SDK1: variants seen among roughly 807,000 people sequenced by gnomAD.
The protein encoded by SDK1 is protein sidekick-1.
SDK1 carries 157 observed loss-of-function variants against 245.5 expected under a neutral mutation model. The observed-to-expected ratio is 0.64, with a 90% confidence interval of 0.56 to 0.73. SDK1 has a LOEUF of 0.73. SDK1 is among the 30% of genes least tolerant of loss of function. The pLI, the probability that SDK1 is intolerant of heterozygous loss-of-function variation, is 0.00. For synonymous variants in SDK1, 1,647 were observed against 1,278.5 expected (o/e 1.29, Z -6.15); for missense variants, 3,583 against 3,002.3 (o/e 1.19, Z -4.52).
intron 1 of SDK1, among the ~76,000 whole-genome samples, chr7:3,538,903 C>G (rs1334929721): frequency 2.0e-5 from 3 of 152,216 alleles, no homozygotes; most frequent in African/African-American, 4.8e-5. Flanking sequence ...GTTGTCCACA[C>G]AAAGAGGCAG....
At chr7:4,004,555 A>C (rs1785317800) in intron 14 of SDK1, among the ~76,000 whole-genome samples, 1 of 152,234 alleles carries the variant, frequency 6.6e-6, no homozygotes, top group Admixed American at 6.5e-5. Context: ...TATGACAAAA[A>C]TAGACACTTT....
chr7:3,987,376 G>A (rs1783942120), intron 14 of SDK1, 54 bp downstream of exon 14: 2 of 1,580,604 alleles, frequency 1.3e-6, no homozygotes, highest in South Asian at 1.1e-5. Context: ...TTTTGTGTGT[G>A]CTCTTAATGT....
rs546016664 is a variant in SDK1 at position 4,107,331 on chromosome 7, G to C, written c.3325-3332G>C. On this transcript the variant is annotated intron_variant, in intron 22 of 44. Coordinates refer to ENST00000404826, the MANE Select transcript of SDK1 (RefSeq NM_152744.4). Reference sequence around the variant, plus strand: ...AGGACCCGGAAGGCAGGAGGCTGCCGGGAAAAGCGCCCACCGGTCACTTGG... The same window carrying C: ...AGGACCCGGAAGGCAGGAGGCTGCCCGGAAAAGCGCCCACCGGTCACTTGG... Among the ~76,000 whole-genome samples the C allele has an allele frequency of 2.3e-4, 35 of 152,066 alleles. 1 individual carries two copies. Among genetic ancestry groups the C allele is most frequent in the African/African-American group, 8.2e-4 (34 of 41,486 alleles).
chr7:3,370,084 G>C (rs1366081829), intron 1 of SDK1, among the ~76,000 whole-genome samples: 1 of 152,202 alleles, frequency 6.6e-6, no homozygotes, highest in Non-Finnish European at 1.5e-5. Context: ...ATGAACATCG[G>C]CCTAAGTTAA....
chr7:3,437,080 G>A (rs977996714), intron 1 of SDK1, among the ~76,000 whole-genome samples: 3 of 152,090 alleles, frequency 2.0e-5, no homozygotes, highest in African/African-American at 2.4e-5. Flanking sequence ...CTTTCCACAT[G>A]ATCTCATGAC....
chr7:3,856,260 C>G (rs1780542170), intron 5 of SDK1, among the ~76,000 whole-genome samples: 6 of 151,928 alleles, frequency 3.9e-5, no homozygotes, highest in Admixed American at 3.9e-4. Flanking sequence ...AAACTGAATT[C>G]ATGACTTCCA....
In SDK1 at chr7:3,843,092, C is replaced by T. The variant is rs562804555; in HGVS notation, c.847+21509C>T. Among the ~76,000 whole-genome samples, 89 of 152,252 alleles carry T rather than the reference C, an allele frequency of 5.8e-4. 1 individual carries two copies. Among genetic ancestry groups the T allele is most frequent in the African/African-American group, 2.0e-3 (84 of 41,540 alleles). On this transcript the variant is annotated intron_variant, in intron 5 of 44. Transcript: ENST00000404826. ...CCGCTTAGCATTAGAGGAATGTCAG[C>T]GGCTCAGGGCAGCACAGCTCTTTCT... is the stretch of plus-strand genomic sequence containing the variant.
intron 28 of SDK1, among the ~76,000 whole-genome samples, chr7:4,145,225 G>T (rs933649110): frequency 5.3e-5 from 8 of 152,188 alleles, no homozygotes; most frequent in Non-Finnish European, 1.2e-4. Flanking sequence ...GAGCTGGGGG[G>T]TCAGAGGTGC....
At chr7:4,133,714 A>G (rs1425093740) in intron 28 of SDK1, among the ~76,000 whole-genome samples, 1 of 152,164 alleles carries the variant, frequency 6.6e-6, no homozygotes, top group East Asian at 1.9e-4. Flanking sequence ...TGTGTCCTGG[A>G]GAATGTGGCC....
intron 4 of SDK1, among the ~76,000 whole-genome samples, chr7:3,726,661 A>C (rs1779017112): frequency 6.6e-6 from 1 of 152,218 alleles, no homozygotes; most frequent in Admixed American, 6.5e-5. Flanking sequence ...AAAAACTTTA[A>C]AAGGTGGGTA....
chr7:3,490,111 G>C (rs1781824489), intron 1 of SDK1, among the ~76,000 whole-genome samples: 1 of 152,158 alleles, frequency 6.6e-6, no homozygotes, highest in South Asian at 2.1e-4. Flanking sequence ...CCAATTAAGT[G>C]AAAAGAAATC....
At chr7:3,647,476 A>G (rs558743384) in intron 4 of SDK1, among the ~76,000 whole-genome samples, 54 of 152,284 alleles carry the variant, frequency 3.5e-4, no homozygotes, top group African/African-American at 1.3e-3. Context: ...GCTGGAGTGA[A>G]GTTGAAGTGG....
At chr7:3,989,461 A>G (rs1266393841) in intron 14 of SDK1, among the ~76,000 whole-genome samples, 1 of 152,144 alleles carries the variant, frequency 6.6e-6, no homozygotes, top group Non-Finnish European at 1.5e-5. Flanking sequence ...CCCATCATTT[A>G]TTCCAGATGA....
Position 3,615,258 on chromosome 7 carries a change from A to C in SDK1, c.299-3822A>C, listed in dbSNP as rs373948231. ...AAGCCTGTAGCTCAGTAAATCCCAC[A>C]GGATCAAAGCTACCTCCATTGCAGT... On this transcript the variant is annotated intron_variant, in intron 1 of 44. Transcript: ENST00000404826. Among the ~76,000 whole-genome samples the C allele has an allele frequency of 7.2e-5, 11 of 151,898 alleles. No homozygotes were observed. The East Asian group carries it at 2.1e-3, about 29-fold the overall frequency.
intron 13 of SDK1, among the ~76,000 whole-genome samples, chr7:3,984,564 G>A (rs1413669995): frequency 6.6e-6 from 1 of 152,178 alleles, no homozygotes; most frequent in Non-Finnish European, 1.5e-5. Flanking sequence ...TCTCCCAGGA[G>A]CCTGTTCACA....
At chr7:3,583,227 T>C (rs1780570184) in intron 1 of SDK1, among the ~76,000 whole-genome samples, 1 of 152,240 alleles carries the variant, frequency 6.6e-6, no homozygotes. Flanking sequence ...CCTGAGAGTA[T>C]GTAAATTTGG....
chr7:3,589,221 C>T (rs1325480486), intron 1 of SDK1, among the ~76,000 whole-genome samples: 2 of 151,978 alleles, frequency 1.3e-5, no homozygotes, highest in African/African-American at 4.8e-5. Context: ...ACAGTTGGTG[C>T]GGACTCTTTG....
chr7:3,619,930 C>T (rs992591848), intron 2 of SDK1, among the ~76,000 whole-genome samples: 5 of 152,156 alleles, frequency 3.3e-5, no homozygotes, highest in East Asian at 1.9e-4. Flanking sequence ...GGTCTTACCA[C>T]GCTTCAGAGC....
In SDK1 at chr7:4,051,748, C is replaced by T. The variant is rs1778867010; in HGVS notation, c.2829C>T (p.Ala943=). 1.9e-6 allele frequency: 3 copies of T among 1,614,064 alleles called. No homozygotes were observed. Among genetic ancestry groups the T allele is most frequent in the South Asian group, 2.2e-5 (2 of 91,058 alleles). The change falls in exon 19 of 45, where the codon GCC becomes GCT. Residue 943 remains alanine (A), a synonymous_variant. Transcript: ENST00000404826. Reference sequence around the variant, plus strand: ...TAACGAACCTGAAGAAGTTTACCGCCTACTTCACTTCCGTTCTGTGCTTCA... The same window carrying T: ...TAACGAACCTGAAGAAGTTTACCGCTTACTTCACTTCCGTTCTGTGCTTCA... ...GHITNLKKFT[A]YFTSVLCFTT... is the part of the protein sequence containing the mutation.
Sources: gnomAD v4.1 joint callset for allele counts (sites outside exome capture counted in the v4.1 genomes callset) on GRCh38, gnomAD v4.1.1 for gene constraint, MANE v1.5 for transcripts, NCBI Gene and HGNC (gene_info 2026-07-23, HGNC 2026-07-21) for gene names.